The following ALDH3B1 variants were observed in gnomAD, a reference collection of about 807,000 sequenced individuals.
ALDH3B1 encodes the protein aldehyde dehydrogenase family 3 member B1.
ALDH3B1 carries 37 observed loss-of-function variants against 46.2 expected under a neutral mutation model. The ratio of observed to expected loss-of-function variants is 0.80; its 90% CI spans 0.62 to 1.05. The LOEUF (loss-of-function observed/expected upper bound fraction) is 1.05. Ranked by LOEUF, ALDH3B1 falls within the 50% of genes least tolerant of loss-of-function variation. The pLI is 0.00. For missense variants in ALDH3B1, 603 were observed against 665.5 expected, an observed-to-expected ratio of 0.91 and a Z score of 1.03; for synonymous variants, 283 against 281.0, an observed-to-expected ratio of 1.01 and a Z score of -0.07.
chr11:68,025,161 T>A (rs1450473586), intron 8 of ALDH3B1: 2 of 152,284 alleles, frequency 1.3e-5, no homozygotes, highest in Non-Finnish European at 2.9e-5. Context: ...ACACAAGTCA[T>A]GCACAAGGTG....
chr11:68,027,831 G>A lies in ALDH3B1; in HGVS notation c.1299G>A (p.Pro433=), dbSNP rs308341. 325,093 of 1,555,630 alleles carry A rather than the reference G, an allele frequency of 0.21. 35,793 individuals are homozygous for A. Among genetic ancestry groups the A allele is most frequent in the African/African-American group, 0.38 (27,673 of 73,544 alleles). The change falls in exon 10 of 10, where the codon CCG becomes CCA. Residue 433 remains proline (P), a synonymous_variant. Transcript: ENST00000342456. The stretch of plus-strand genomic sequence containing the variant: ...ATCGCGCCTGCCTCCTGCGCAGCCC[G>A]GGGATGGAGAAGCTCAACGCCCTCC... The part of the protein sequence containing the change: ...SHHRACLLRS[P]GMEKLNALRY...
At chr11:68,015,572 C>T in intron 2 of ALDH3B1, 113 bp downstream of exon 2, 3 of 1,402,588 alleles carry the variant, frequency 2.1e-6, no homozygotes, top group South Asian at 1.2e-5. Flanking sequence ...GGGCTAAAAG[C>T]AGCTCCTCCC....
rs998194100 is a variant in ALDH3B1, at chr11:68,028,365, A to G, written c.*426A>G. The G allele has an allele frequency of 2.8e-6, 1 of 353,984 alleles. No homozygotes were observed. Among genetic ancestry groups the G allele is most frequent in the Admixed American group, 3.8e-5 (1 of 26,546 alleles). The allele number at this position is 353,984 out of a possible 1,614,324, so 21.9% of individuals were successfully genotyped here. On this transcript the variant is annotated 3_prime_UTR_variant, in exon 10 of 10. Coordinates refer to ENST00000342456, the MANE Select transcript of ALDH3B1 (RefSeq NM_000694.4). ...TGAGTCTCAGTTTTTCCATTTGTTC[A>G]GTGGAGAGAATTAACCATTGATACC...
Position 68,023,023 on chromosome 11 carries a change from G to T in ALDH3B1, c.1116+262G>T, listed in dbSNP as rs185345556. Among the ~76,000 whole-genome samples the T allele has an allele frequency of 1.5e-3, 234 of 152,264 alleles. 1 individual carries two copies. The highest frequency in any genetic ancestry group is 2.4e-3 in the Non-Finnish European group (166 of 68,022). ...CTCTAGGGTCCAGTGTTTCCTCTAG[G>T]TCAGCCCCTGCCTTTGTCCTTCTTA... On this transcript the variant is annotated intron_variant, in intron 8 of 9. Coordinates refer to ENST00000342456, the MANE Select transcript of ALDH3B1 (RefSeq NM_000694.4).
In ALDH3B1 at chr11:68,027,997, G is replaced by A; in HGVS notation, c.*58G>A. 6.4e-7 allele frequency: 1 copy of A among 1,563,542 alleles called. No homozygotes were observed. ...TGACAGCTGTCGCCTGCGGCTGGTGGAGACGGGGCCTGGGCTCCCGGGCCC... is the reference window on the plus strand; with the variant it reads ...TGACAGCTGTCGCCTGCGGCTGGTGAAGACGGGGCCTGGGCTCCCGGGCCC... On this transcript the variant is annotated 3_prime_UTR_variant, in exon 10 of 10. Transcript: ENST00000342456.
At chr11:68,012,008 C>G (rs1048683002) in intron 1 of ALDH3B1, among the ~76,000 whole-genome samples, 2 of 152,214 alleles carry the variant, frequency 1.3e-5, no homozygotes, top group African/African-American at 4.8e-5. Flanking sequence ...CAGTTTAAAC[C>G]CAGGTCATTG....
intron 1 of ALDH3B1, among the ~76,000 whole-genome samples, chr11:68,012,369 A>T (rs1480179051): frequency 6.6e-6 from 1 of 152,168 alleles, no homozygotes; most frequent in African/African-American, 2.4e-5. Context: ...TGGCCTTGAG[A>T]GGAAGTGGCT....
intron 8 of ALDH3B1, 52 bp downstream of exon 8, chr11:68,022,813 A>T: frequency 6.2e-7 from 1 of 1,605,146 alleles, no homozygotes; most frequent in East Asian, 2.2e-5. Context: ...TGGGCAGCAC[A>T]AGTGGTGGCA....
In ALDH3B1 at chr11:68,015,328, C is replaced by A; in HGVS notation, c.31C>A (p.Leu11Met). The change falls in exon 2 of 10, where the codon CTG (leucine) becomes ATG (methionine). Residue 11 changes from leucine to methionine, a missense_variant. Transcript: ENST00000342456. MDPLGDTLRR[L>M]REAFHAGRTR... The stretch of plus-strand genomic sequence containing the variant: ...CCCCCTTGGGGACACGCTGCGGCGA[C>A]TGCGGGAGGCCTTCCACGCGGGGCG... 1.3e-6 allele frequency: 2 copies of A among 1,520,602 alleles called. No homozygotes were observed. Among genetic ancestry groups the A allele is most frequent in the South Asian group, 1.3e-5 (1 of 79,912 alleles). 94.2% of individuals were successfully genotyped at this position (1,520,602 alleles called of 1,614,324 possible). A position where few individuals can be genotyped will look rare whatever the true frequency, so the allele number is the denominator to read the frequency against.
intron 4 of ALDH3B1, 48 bp downstream of exon 4, chr11:68,018,941 C>T: frequency 6.5e-7 from 1 of 1,530,024 alleles, no homozygotes; most frequent in South Asian, 1.2e-5. Context: ...CGCTCGAGGC[C>T]TCAGGGCCAC....
Position 68,021,846 on chromosome 11 carries a change from G to C in ALDH3B1, c.924G>C (p.Gln308His). ...LGCGRVAIGG[Q>H]SDESDRYIAP... ...GCGGCCGTGTGGCCATTGGGGGCCA[G>C]AGCGATGAGAGCGATCGCTACATCG... The change falls in exon 7 of 10, where the codon CAG (glutamine) becomes CAC (histidine). Residue 308 changes from glutamine (Q) to histidine (H), a missense_variant. Coordinates refer to ENST00000342456, the MANE Select transcript of ALDH3B1 (RefSeq NM_000694.4). The C allele has an allele frequency of 6.2e-7, 1 of 1,610,334 alleles. No homozygotes were observed. The highest frequency in any genetic ancestry group is 8.5e-7 in the Non-Finnish European group (1 of 1,177,918).
chr11:68,027,644 G>A (rs1197370102), intron 9 of ALDH3B1, 105 bp from the exon 10 acceptor site: 2 of 1,217,988 alleles, frequency 1.6e-6, no homozygotes, highest in Non-Finnish European at 2.3e-6. Context: ...CTGGACAGAT[G>A]GGGAAACTGA....
In ALDH3B1 at chr11:68,028,188, C is replaced by A. The variant is rs757819965; in HGVS notation, c.*249C>A. On this transcript the variant is annotated 3_prime_UTR_variant, in exon 10 of 10. Coordinates refer to ENST00000342456, the MANE Select transcript of ALDH3B1 (RefSeq NM_000694.4). ...AAACAGTGCAGTGACTCACCCCCTG[C>A]CCCCGCACCAACCACCCATATTCAG... The A allele has an allele frequency of 9.1e-5, 62 of 682,360 alleles. No individual in the cohort carries two copies. Among genetic ancestry groups the A allele is most frequent in the East Asian group, 5.9e-4 (21 of 35,442 alleles). 42.3% of individuals were successfully genotyped at this position (682,360 alleles called of 1,614,324 possible). A position where few individuals can be genotyped will look rare whatever the true frequency, so the allele number is the denominator to read the frequency against.
intron 9 of ALDH3B1, among the ~76,000 whole-genome samples, chr11:68,026,659 C>T (rs996346130): frequency 3.3e-5 from 5 of 152,162 alleles, no homozygotes; most frequent in Non-Finnish European, 5.9e-5. Context: ...CCTAGCAACA[C>T]GCTGAAGGCC....
chr11:68,027,902 C>A lies in ALDH3B1; in HGVS notation c.1370C>A (p.Ala457Asp), dbSNP rs1324166509. ...CGCCGCCTGAGGATGCTGCTGGTGG[C>A]CATGGAGGCCCAAGGCTGCAGCTGC... ...SPRRLRMLLVAMEAQGCSCTL... is the reference protein window; with the variant it reads ...SPRRLRMLLVDMEAQGCSCTL... Residue 457 changes from alanine (A) to aspartate (D), a missense_variant, in exon 10 of 10, where the codon GCC (alanine) becomes GAC (aspartate). Ala to Asp is a moderately radical substitution (Grantham distance 126). Coordinates refer to ENST00000342456, the MANE Select transcript of ALDH3B1 (RefSeq NM_000694.4). 56 of 1,559,322 alleles carry A rather than the reference C, an allele frequency of 3.6e-5. No individual in the cohort carries two copies. Among genetic ancestry groups the A allele is most frequent in the Non-Finnish European group, 4.8e-5 (55 of 1,156,040 alleles).
chr11:68,026,879 C>G (rs951305162), intron 9 of ALDH3B1, among the ~76,000 whole-genome samples: 1 of 152,202 alleles, frequency 6.6e-6, no homozygotes, highest in Non-Finnish European at 1.5e-5. Flanking sequence ...TGTCCTGGCT[C>G]GGCTCGAGTT....
At chr11:68,014,570 C>G (rs1002661363) in intron 1 of ALDH3B1, among the ~76,000 whole-genome samples, 4 of 152,176 alleles carry the variant, frequency 2.6e-5, no homozygotes, top group South Asian at 4.1e-4. Flanking sequence ...CCCTCTCCCC[C>G]GCCCTGATCC....
intron 8 of ALDH3B1, among the ~76,000 whole-genome samples, chr11:68,025,506 T>C (rs1259843696): frequency 8.5e-5 from 13 of 152,210 alleles, no homozygotes; most frequent in Admixed American, 8.5e-4. Context: ...GTTTCTAAAG[T>C]GCAAATCTGA....
intron 9 of ALDH3B1, 34 bp downstream of exon 9, chr11:68,026,142 T>C (rs1213133453): frequency 3.9e-6 from 6 of 1,532,144 alleles, no homozygotes; most frequent in Admixed American, 3.9e-5. Flanking sequence ...TCTGTTACCA[T>C]TTGGTCAAAT....
Sources: gnomAD v4.1 joint callset for allele counts (sites outside exome capture counted in the v4.1 genomes callset) on GRCh38, gnomAD v4.1.1 for gene constraint, MANE v1.5 for transcripts, NCBI Gene and HGNC (gene_info 2026-07-23, HGNC 2026-07-21) for gene names.